The following FANCC variants were observed in gnomAD, a reference collection of about 807,000 sequenced individuals.
FANCC encodes FA complementation group C.
FANCC carries 55 observed loss-of-function variants against 71.3 expected under a neutral mutation model. The ratio of observed to expected loss-of-function variants is 0.77; its 90% CI spans 0.62 to 0.97. The LOEUF is 0.97. FANCC is among the 50% of genes least tolerant of loss of function. The pLI is 0.00. For synonymous variants in FANCC, 275 were observed against 244.9 expected, an observed-to-expected ratio of 1.12 and a Z score of -1.15; for missense variants, 678 against 670.9, an observed-to-expected ratio of 1.01 and a Z score of -0.12.
At chr9:95,219,136 T>G (rs913044113) in intron 4 of FANCC, among the ~76,000 whole-genome samples, 13 of 152,068 alleles carry the variant, frequency 8.5e-5, no homozygotes, top group African/African-American at 2.9e-4. Context: ...GGATCTCAGG[T>G]TGAAGGCTGC....
At chr9:95,185,944 T>C (rs1826680870) in intron 4 of FANCC, among the ~76,000 whole-genome samples, 1 of 152,260 alleles carries the variant, frequency 6.6e-6, no homozygotes, top group Admixed American at 6.5e-5. Flanking sequence ...AAGCCAAGTC[T>C]AATTAATTTT....
intron 4 of FANCC, among the ~76,000 whole-genome samples, chr9:95,203,036 C>A (rs1030450773): frequency 1.3e-5 from 2 of 152,096 alleles, no homozygotes; most frequent in Admixed American, 1.3e-4. Flanking sequence ...ACTCTAAAAC[C>A]TATGACTCCT....
At chr9:95,287,414 C>G (rs1428785230) in intron 1 of FANCC, among the ~76,000 whole-genome samples, 1 of 152,172 alleles carries the variant, frequency 6.6e-6, no homozygotes, top group Non-Finnish European at 1.5e-5. Context: ...ATTCCTCCCT[C>G]AAGTCTCTCT....
intron 4 of FANCC, among the ~76,000 whole-genome samples, chr9:95,215,294 G>A (rs1828788197): frequency 6.6e-6 from 1 of 152,126 alleles, no homozygotes; most frequent in Non-Finnish European, 1.5e-5. Context: ...GGAGCAGAGA[G>A]CAGTTTATAC....
At chr9:95,126,685 A>G (rs1191694920) in intron 8 of FANCC, 104 bp from the exon 9 acceptor site, 2 of 1,155,664 alleles carry the variant, frequency 1.7e-6, no homozygotes, top group African/African-American at 1.5e-5. Flanking sequence ...GATGTCCAGA[A>G]AACTGGCATA....
intron 1 of FANCC, among the ~76,000 whole-genome samples, chr9:95,258,528 T>C (rs1312945038): frequency 6.6e-6 from 1 of 152,186 alleles, no homozygotes; most frequent in East Asian, 1.9e-4. Context: ...TAGGTATTGA[T>C]GGAACGTATC....
chr9:95,140,408 A>G (rs887203936), intron 7 of FANCC, among the ~76,000 whole-genome samples: 4 of 152,236 alleles, frequency 2.6e-5, no homozygotes, highest in Non-Finnish European at 5.9e-5. Flanking sequence ...AAAAAGAGGT[A>G]GCAGGTAAAG....
At chr9:95,278,798 T>TAAGTCTGAAACTTAC (rs1554865691) in intron 1 of FANCC, among the ~76,000 whole-genome samples, 1 of 2,994 alleles carries the variant, frequency 3.3e-4, no homozygotes, top group Non-Finnish European at 8.3e-4. Context: ...ACGGTAATTA[T>TAAGTCTGAAACTTAC]TCTACGGCAA....
At chr9:95,259,229 C>A (rs1831866992) in intron 1 of FANCC, among the ~76,000 whole-genome samples, 1 of 152,124 alleles carries the variant, frequency 6.6e-6, no homozygotes, top group African/African-American at 2.4e-5. Flanking sequence ...GTCCATATAG[C>A]CAAGACAATC....
chr9:95,123,085 TG>T (rs1230698900), intron 10 of FANCC, among the ~76,000 whole-genome samples: 1 of 152,080 alleles, frequency 6.6e-6, no homozygotes, highest in Non-Finnish European at 1.5e-5. Flanking sequence ...GAGGATCCCT[TG>T]AACCCAGCTG....
At chr9:95,138,356 G>C (rs376264699) in intron 7 of FANCC, among the ~76,000 whole-genome samples, 9 of 152,342 alleles carry the variant, frequency 5.9e-5, no homozygotes, top group Admixed American at 2.0e-4. Context: ...AAGAGGAAAG[G>C]CTTTTCCATC....
intron 6 of FANCC, among the ~76,000 whole-genome samples, chr9:95,168,044 C>T (rs918297509): frequency 2.0e-5 from 3 of 152,186 alleles, no homozygotes; most frequent in African/African-American, 7.2e-5. Context: ...CTTCTCTGGG[C>T]TTATGCGTGT....
chr9:95,119,911 T>C (rs2072735653), intron 10 of FANCC, among the ~76,000 whole-genome samples: 1 of 152,134 alleles, frequency 6.6e-6, no homozygotes, highest in African/African-American at 2.4e-5. Context: ...GGGGTCTTAC[T>C]TTGTTGCCCA....
At chr9:95,284,272 T>C (rs1833541601) in intron 1 of FANCC, among the ~76,000 whole-genome samples, 1 of 152,228 alleles carries the variant, frequency 6.6e-6, no homozygotes, top group Non-Finnish European at 1.5e-5. Flanking sequence ...TTGTTTACTT[T>C]ACTATCCCAC....
At chr9:95,279,190 T>A (rs976779038) in intron 1 of FANCC, among the ~76,000 whole-genome samples, 3 of 151,976 alleles carry the variant, frequency 2.0e-5, no homozygotes, top group African/African-American at 7.2e-5. Context: ...TGGTGGTGCA[T>A]GCTTGCAGTC....
intron 4 of FANCC, among the ~76,000 whole-genome samples, chr9:95,230,562 A>T (rs1829938157): frequency 6.6e-6 from 1 of 151,882 alleles, no homozygotes; most frequent in Non-Finnish European, 1.5e-5. Context: ...GTTCCTTCAG[A>T]TGTTCAGATG....
chr9:95,177,779 C>T (rs1160659014), intron 4 of FANCC, among the ~76,000 whole-genome samples: 1 of 152,160 alleles, frequency 6.6e-6, no homozygotes, highest in Non-Finnish European at 1.5e-5. Flanking sequence ...TGAATGCAAA[C>T]CCCGCTCTCT....
At chr9:95,294,404 G>A in intron 1 of FANCC, 1 of 1,604,372 alleles carries the variant, frequency 6.2e-7, no homozygotes, top group Non-Finnish European at 8.5e-7. Context: ...TATGGGTGTA[G>A]GGGAAATTCT....
chr9:95,280,328 T>C (rs1833307986), intron 1 of FANCC, among the ~76,000 whole-genome samples: 1 of 152,114 alleles, frequency 6.6e-6, no homozygotes, highest in African/African-American at 2.4e-5. Context: ...TATTAATCGC[T>C]GGAGACTTCA....
Sources: gnomAD v4.1 joint callset for allele counts (sites outside exome capture counted in the v4.1 genomes callset) on GRCh38, gnomAD v4.1.1 for gene constraint, MANE v1.5 for transcripts, NCBI Gene and HGNC (gene_info 2026-07-23, HGNC 2026-07-21) for gene names.